ADARB1: variants seen among roughly 807,000 people sequenced by gnomAD.
ADARB1 encodes the protein adenosine deaminase RNA specific B1.
ADARB1 carries 10 observed loss-of-function variants against 52.4 expected under a neutral mutation model. The observed-to-expected ratio is 0.19, with a 90% CI of 0.12 to 0.32. The LOEUF (loss-of-function observed/expected upper bound fraction) is 0.32, where lower values mean the gene tolerates loss of function less well. Ranked by LOEUF, ADARB1 falls within the 10% of genes least tolerant of loss-of-function variation. The probability of loss-of-function intolerance (pLI) is 1.00; values close to 1 mark genes in which losing one functional copy is unlikely to be tolerated. For synonymous variants in ADARB1, 349 were observed against 371.1 expected (o/e 0.94, Z 0.68); for missense variants, 643 against 922.3 (o/e 0.70, Z 3.92).
intron 1 of ADARB1, among the ~76,000 whole-genome samples, chr21:45,119,891 G>A (rs1170231755): frequency 6.6e-6 from 1 of 152,214 alleles, no homozygotes; most frequent in Non-Finnish European, 1.5e-5. Context: ...CAAGAGTGTT[G>A]GTAATTGAAA....
chr21:45,140,322 G>A (rs947168230), intron 2 of ADARB1, among the ~76,000 whole-genome samples: 3 of 152,158 alleles, frequency 2.0e-5, no homozygotes, highest in African/African-American at 4.8e-5. Flanking sequence ...CTCTTACCCC[G>A]TGCAGATGTC....
intron 1 of ADARB1, among the ~76,000 whole-genome samples, chr21:45,077,075 G>A (rs1276933932): frequency 6.6e-6 from 1 of 152,208 alleles, no homozygotes; most frequent in African/African-American, 2.4e-5. Flanking sequence ...TATTGTATAT[G>A]TTTTAATATA....
intron 2 of ADARB1, among the ~76,000 whole-genome samples, chr21:45,135,511 T>A (rs1157088245): frequency 6.6e-6 from 1 of 152,244 alleles, no homozygotes; most frequent in African/African-American, 2.4e-5. Context: ...GACCACTGTG[T>A]GCTGCCTGCC....
intron 1 of ADARB1, among the ~76,000 whole-genome samples, chr21:45,083,495 AGT>A (rs983305111): frequency 6.6e-6 from 1 of 152,232 alleles, no homozygotes; most frequent in Non-Finnish European, 1.5e-5. Context: ...ATCCTGGAAA[AGT>A]AGCTCTGTCC....
At chr21:45,203,064 C>T (rs1159385076) in intron 8 of ADARB1, among the ~76,000 whole-genome samples, 5 of 152,260 alleles carry the variant, frequency 3.3e-5, no homozygotes, top group South Asian at 2.1e-4. Context: ...GACGCCACTT[C>T]GTAAAATGCG....
intron 1 of ADARB1, among the ~76,000 whole-genome samples, chr21:45,078,489 G>A (rs1253008219): frequency 2.0e-5 from 3 of 152,212 alleles, no homozygotes; most frequent in Non-Finnish European, 4.4e-5. Context: ...CAGGGTAGGT[G>A]AGAGAAGGTC....
At chr21:45,191,466 A>G (rs571628768) in intron 8 of ADARB1, among the ~76,000 whole-genome samples, 7 of 152,166 alleles carry the variant, frequency 4.6e-5, no homozygotes, top group Non-Finnish European at 7.4e-5. Flanking sequence ...TTCTATTCCT[A>G]TTGTCTTAGA....
rs1391943636 is a variant in ADARB1 at position 45,221,659 on chromosome 21, G to A, written c.1927-359G>A. Among the ~76,000 whole-genome samples, 1 of 152,186 alleles carries A rather than the reference G, an allele frequency of 6.6e-6. No homozygotes were observed. The highest frequency in any genetic ancestry group is 2.4e-5 in the African/African-American group (1 of 41,446). ...CAGAAGGAGTTACTGGCCGCATGAG[G>A]GAAGGCCTCCGAGGTCATCAGGGTG... On this transcript the variant is annotated intron_variant, in intron 10 of 10. Transcript: ENST00000348831. The surrounding 1 kb of genome is among the most constrained non-coding windows in gnomAD (Gnocchi z 4.9).
At position 45,222,487 on chromosome 21, in the gene ADARB1, C is replaced by T. The variant is rs971917281; in HGVS notation, c.*290C>T. 35 of 1,187,754 alleles carry T rather than the reference C, an allele frequency of 2.9e-5. No individual in the cohort carries two copies. The highest frequency in any genetic ancestry group is 1.9e-4 in the East Asian group (5 of 26,362). 73.6% of individuals were successfully genotyped at this position (1,187,754 alleles called of 1,614,324 possible). ...AGTGACTGCTTTCAATCTCGGTTTA[C>T]GTTTAGAAATTGAGTTCTACTGAGT... On this transcript the variant is annotated 3_prime_UTR_variant, in exon 11 of 11. Coordinates refer to ENST00000348831, the MANE Select transcript of ADARB1 (RefSeq NM_001112.4).
At chr21:45,186,603 A>G (rs1171970743) in intron 8 of ADARB1, among the ~76,000 whole-genome samples, 2 of 152,170 alleles carry the variant, frequency 1.3e-5, no homozygotes, top group Non-Finnish European at 1.5e-5. Context: ...TCTCTTTATC[A>G]CTAGGAATGT....
At chr21:45,144,472 AAAAG>A (rs1350340393) in intron 2 of ADARB1, among the ~76,000 whole-genome samples, 53 of 152,228 alleles carry the variant, frequency 3.5e-4, no homozygotes, top group Non-Finnish European at 6.3e-4. Context: ...AGTTGGGAAA[AAAAG>A]AGCTTTAAGG....
intron 1 of ADARB1, among the ~76,000 whole-genome samples, chr21:45,105,033 C>T (rs917604212): frequency 6.6e-6 from 1 of 152,164 alleles, no homozygotes; most frequent in Non-Finnish European, 1.5e-5. Flanking sequence ...GGCTTTACTT[C>T]CCAGGTGATT....
chr21:45,086,835 C>T (rs905592685), intron 1 of ADARB1, among the ~76,000 whole-genome samples: 5 of 152,126 alleles, frequency 3.3e-5, no homozygotes, highest in East Asian at 3.8e-4. Flanking sequence ...CCTAGGAGTT[C>T]GTAGGAGCTT....
At chr21:45,082,545 A>G (rs2086193912) in intron 1 of ADARB1, among the ~76,000 whole-genome samples, 1 of 152,246 alleles carries the variant, frequency 6.6e-6, no homozygotes, top group Non-Finnish European at 1.5e-5. Context: ...TAAGTCAGTT[A>G]TTCCTCTCAT....
At chr21:45,180,029 C>T (rs187378356) in intron 4 of ADARB1, among the ~76,000 whole-genome samples, 18 of 152,312 alleles carry the variant, frequency 1.2e-4, no homozygotes, top group Admixed American at 7.8e-4. Flanking sequence ...TCCTGAGGGC[C>T]GGGCTGGCCT....
At chr21:45,083,757 C>T (rs1043038753) in intron 1 of ADARB1, among the ~76,000 whole-genome samples, 2 of 152,158 alleles carry the variant, frequency 1.3e-5, no homozygotes, top group Admixed American at 1.3e-4. Context: ...TACAGTGGTA[C>T]AATCATAGCT....
chr21:45,182,034 G>A lies in ADARB1; in HGVS notation c.1079-551G>A, dbSNP rs563860208. Among the ~76,000 whole-genome samples the A allele has an allele frequency of 2.2e-4, 33 of 152,356 alleles. No individual in the cohort carries two copies. The South Asian group carries it at 5.6e-3, about 26-fold the overall frequency. On this transcript the variant is annotated intron_variant, in intron 5 of 10. Coordinates refer to ENST00000348831, the MANE Select transcript of ADARB1 (RefSeq NM_001112.4). Reference sequence around the variant, plus strand: ...GTGGTTTATCTCACAAAGTTGAGACGGAGTGATCTGTCTGTGGGAGTTCAC... The same window carrying A: ...GTGGTTTATCTCACAAAGTTGAGACAGAGTGATCTGTCTGTGGGAGTTCAC...
chr21:45,184,825 C>A, intron 7 of ADARB1, 98 bp from the exon 8 acceptor site: 1 of 1,296,174 alleles, frequency 7.7e-7, no homozygotes, highest in Non-Finnish European at 1.1e-6. Flanking sequence ...TATGCACAGA[C>A]TGTATTTTAA....
chr21:45,113,921 T>C (rs2087688161), intron 1 of ADARB1, among the ~76,000 whole-genome samples: 1 of 152,212 alleles, frequency 6.6e-6, no homozygotes, highest in Non-Finnish European at 1.5e-5. Flanking sequence ...ATAGCACGTA[T>C]AAGAAAATTT....
Sources: gnomAD v4.1 joint callset for allele counts (sites outside exome capture counted in the v4.1 genomes callset) on GRCh38, gnomAD v4.1.1 for gene constraint, Gnocchi (gnomAD v3.1) non-coding constraint, MANE v1.5 for transcripts, NCBI Gene and HGNC (gene_info 2026-07-23, HGNC 2026-07-21) for gene names.